The following EIF4G2 variants were observed in gnomAD, a reference collection of about 807,000 sequenced individuals.
The protein encoded by EIF4G2 is DAP-5.
In EIF4G2, 8 loss-of-function variants were observed where a neutral mutation model predicts 117.7. The ratio of observed to expected loss-of-function variants is 0.07; its 90% CI spans 0.04 to 0.12. The LOEUF is 0.12. Ranked by LOEUF, EIF4G2 falls within the 10% of genes least tolerant of loss-of-function variation. The pLI is 1.00. For missense variants in EIF4G2, 812 were observed against 1,086.2 expected, an observed-to-expected ratio of 0.75 and a Z score of 3.55; for synonymous variants, 413 against 367.8, an observed-to-expected ratio of 1.12 and a Z score of -1.41.
chr11:10,804,708 A>G, intron 5 of EIF4G2: 2 of 603,764 alleles, frequency 3.3e-6, no homozygotes, highest in Non-Finnish European at 5.7e-6. Context: ...CTCTTCAACC[A>G]TACCATGAAC....
rs773350828 is a variant in EIF4G2, at chr11:10,805,954, G to A, written c.201C>T (p.Ser67=). The A allele has an allele frequency of 1.6e-5, 26 of 1,613,898 alleles. No homozygotes were observed. The highest frequency in any genetic ancestry group is 2.1e-5 in the Non-Finnish European group (25 of 1,179,982). ...CATCATGTCGTTCTTTTTCGTTTGC[G>A]GAGTTGTTTGCTGCGGAGTTGTCAT... Residue 67 remains serine (S), a synonymous_variant, in exon 4 of 22, where the codon TCC becomes TCT. Transcript: ENST00000339995.
At chr11:10,798,806 A>G in intron 21 of EIF4G2, 186 bp downstream of exon 21, 2 of 699,280 alleles carry the variant, frequency 2.9e-6, no homozygotes, top group Non-Finnish European at 4.6e-6. Context: ...ATACACCACT[A>G]GAATTGATTC....
At chr11:10,804,648 G>A (rs185046810) in intron 5 of EIF4G2, 7 of 613,746 alleles carry the variant, frequency 1.1e-5, no homozygotes, top group South Asian at 5.2e-5. Context: ...ACCTAAATAC[G>A]GTGTTTTCCA....
At position 10,802,338 on chromosome 11, in the gene EIF4G2, C is replaced by T. The variant is rs745678635; in HGVS notation, c.1094G>A (p.Arg365Lys). 6.2e-7 allele frequency: 1 copy of T among 1,613,956 alleles called. No homozygotes were observed. Among genetic ancestry groups the T allele is most frequent in the South Asian group, 1.1e-5 (1 of 91,034 alleles). The change falls in exon 12 of 22, where the codon AGG becomes AAG. Residue 365 changes from arginine to lysine, a missense_variant. Arg to Lys is a conservative substitution (Grantham distance 26). Around this residue, in one of 4 missense-constraint regions of EIF4G2, gnomAD observed 571 missense variants for 642.3 expected, o/e 0.89. Coordinates refer to ENST00000339995, the MANE Select transcript of EIF4G2 (RefSeq NM_001418.4). The stretch of plus-strand genomic sequence containing the variant: ...ATCAGCAAGTCCTCCAAGTGGGTCC[C>T]TATCCATTTTCATCCTGGGTGGCAT...
rs1182696410 is a variant in EIF4G2, at chr11:10,803,310, T to C, written c.814-16A>G. On this transcript the variant is annotated splice_polypyrimidine_tract_variant and intron_variant, in intron 9 of 21. Coordinates refer to ENST00000339995, the MANE Select transcript of EIF4G2 (RefSeq NM_001418.4). The surrounding 1 kb of genome is among the most constrained non-coding windows in gnomAD (Gnocchi z 4.0). ...CCATTAAGGACTGATAAGAGAAGAA[T>C]ACATTCATTGGAAGAGCTAAAGCAA... 1.9e-6 allele frequency: 3 copies of C among 1,610,538 alleles called. No homozygotes were observed. The highest frequency in any genetic ancestry group is 2.5e-6 in the Non-Finnish European group (3 of 1,178,542).
rs1383046537 is a variant in EIF4G2 at position 10,808,728 on chromosome 11, C to T, written c.-110G>A. The T allele has an allele frequency of 1.2e-5, 2 of 166,018 alleles. No homozygotes were observed. The highest frequency in any genetic ancestry group is 2.7e-5 in the Non-Finnish European group (2 of 75,396). 10.3% of individuals were successfully genotyped at this position (166,018 alleles called of 1,614,324 possible). On this transcript the variant is annotated 5_prime_UTR_variant, in exon 1 of 22. Transcript: ENST00000339995. ...ACCTTCACCGAGAACTCAGCAGCTG[C>T]CACCGCAGCTGCCTCCTCAGGATCC...
chr11:10,802,895 G>GA (rs1847468687), intron 11 of EIF4G2, 135 bp downstream of exon 11: 1 of 712,562 alleles, frequency 1.4e-6, no homozygotes, highest in Non-Finnish European at 2.2e-6. Flanking sequence ...AGTGGAAGAC[G>GA]AGACACTAAA....
At chr11:10,806,118 A>G (rs1847562471) in intron 3 of EIF4G2, 71 bp from the exon 4 acceptor site, 2 of 1,597,400 alleles carry the variant, frequency 1.3e-6, no homozygotes, top group Non-Finnish European at 1.7e-6. Flanking sequence ...ATTCTCTTAC[A>G]TAGAAAAAAG....
chr11:10,799,597 G>A lies in EIF4G2; in HGVS notation c.2279C>T (p.Pro760Leu), dbSNP rs748439202. 1 of 1,614,064 alleles carries A rather than the reference G, an allele frequency of 6.2e-7. No homozygotes were observed. The highest frequency in any genetic ancestry group is 1.1e-5 in the South Asian group (1 of 91,076). ...AAATCCTTTATCTACATGAAGTTTG[G>A]GAGAGATGTTATCTTTAATCCATTT... The change falls in exon 19 of 22, where the codon CCC becomes CTC. Residue 760 changes from proline to leucine, a missense_variant. This residue lies in a region of EIF4G2 where 571 missense variants were observed against 642.3 expected (regional missense o/e 0.89). Transcript: ENST00000339995.
In EIF4G2 at chr11:10,800,562, A is replaced by C. The variant is rs1203290494; in HGVS notation, c.1730T>G (p.Phe577Cys). ...TACTTTGCTTAACATCTCAGGAAGA[A>C]AGTGTTTAGGAGCCCTCATTTCTCT... The change falls in exon 17 of 22, where the codon TTT becomes TGT. Residue 577 changes from phenylalanine to cysteine, a missense_variant. Coordinates refer to ENST00000339995, the MANE Select transcript of EIF4G2 (RefSeq NM_001418.4). 1 of 1,614,036 alleles carries C rather than the reference A, an allele frequency of 6.2e-7. No homozygotes were observed. The highest frequency in any genetic ancestry group is 1.3e-5 in the African/African-American group (1 of 74,922).
intron 1 of EIF4G2, chr11:10,808,139 C>A (rs1293213031): frequency 2.8e-6 from 3 of 1,060,648 alleles, no homozygotes; most frequent in Non-Finnish European, 3.5e-6. Context: ...AAGCGGGCCC[C>A]CTCCTGCACC....
At position 10,804,946 on chromosome 11, in the gene EIF4G2, C is replaced by T; in HGVS notation, c.318G>A (p.Glu106=). The change falls in exon 5 of 22, where the codon GAG becomes GAA. Residue 106 remains glutamate, a synonymous_variant. Coordinates refer to ENST00000339995, the MANE Select transcript of EIF4G2 (RefSeq NM_001418.4). ...TGACCCCTTTAAGGATGAGTTTAGA[C>T]TCTACACCCACATTGAGGAGCTCAA... 1 of 1,614,082 alleles carries T rather than the reference C, an allele frequency of 6.2e-7. No individual in the cohort carries two copies. Among genetic ancestry groups the T allele is most frequent in the Non-Finnish European group, 8.5e-7 (1 of 1,179,992 alleles).
At chr11:10,807,454 G>GT in intron 1 of EIF4G2, 73 bp from the exon 2 acceptor site, 1 of 1,441,142 alleles carries the variant, frequency 6.9e-7, no homozygotes, top group Non-Finnish European at 9.1e-7. Context: ...CAATTACAAC[G>GT]TATTTCAGAT....
chr11:10,807,565 G>T, intron 1 of EIF4G2, 184 bp from the exon 2 acceptor site: 1 of 1,258,908 alleles, frequency 7.9e-7, no homozygotes, highest in Non-Finnish European at 1.0e-6. Flanking sequence ...ATTCCCCGGT[G>T]TTCAAGGATG....
At chr11:10,808,240 C>A in intron 1 of EIF4G2, 2 of 1,149,584 alleles carry the variant, frequency 1.7e-6, no homozygotes, top group South Asian at 1.6e-5. Flanking sequence ...TCCTCCCCGA[C>A]GAAGGGCAGC....
At chr11:10,801,637 T>C (rs200053038) in intron 14 of EIF4G2, 24 bp downstream of exon 14, 2 of 1,594,580 alleles carry the variant, frequency 1.3e-6, no homozygotes, top group Non-Finnish European at 1.7e-6. Flanking sequence ...AACTATGGTA[T>C]ATAAGTAACA....
Position 10,804,137 on chromosome 11 carries a change from C to T in EIF4G2, c.550G>A (p.Val184Ile), listed in dbSNP as rs777630657. 1.9e-6 allele frequency: 3 copies of T among 1,614,018 alleles called. No homozygotes were observed. The highest frequency in any genetic ancestry group is 2.7e-5 in the African/African-American group (2 of 74,928). The change falls in exon 7 of 22, where the codon GTC (valine) becomes ATC (isoleucine). Residue 184 changes from valine (V) to isoleucine (I), a missense_variant and splice_region_variant. Coordinates refer to ENST00000339995, the MANE Select transcript of EIF4G2 (RefSeq NM_001418.4). ...ACTTATTATCAGCTATAAGTCTTACCATCAACATTTCTAGTTCGGTTTTCA... is the reference window on the plus strand; with the variant it reads ...ACTTATTATCAGCTATAAGTCTTACTATCAACATTTCTAGTTCGGTTTTCA...
chr11:10,802,378 G>A lies in EIF4G2; in HGVS notation c.1054C>T (p.Leu352=), dbSNP rs1329765066. 1 of 1,613,858 alleles carries A rather than the reference G, an allele frequency of 6.2e-7. No homozygotes were observed. Among genetic ancestry groups the A allele is most frequent in the African/African-American group, 1.3e-5 (1 of 74,996 alleles). ...CTGGGTGGCATGAACGGTCCCTCCA[G>A]AAAGAAGTCACTTCTCATCCCTTGA... Residue 352 remains leucine (L), a synonymous_variant, in exon 12 of 22, where the codon CTG becomes TTG. Transcript: ENST00000339995.
At chr11:10,806,368 G>T in intron 3 of EIF4G2, 2 of 367,510 alleles carry the variant, frequency 5.4e-6, no homozygotes, top group Non-Finnish European at 5.0e-6. Flanking sequence ...TAAGAGATGG[G>T]GTCTTGCTGT....
Sources: gnomAD v4.1 joint callset for allele counts on GRCh38, gnomAD v4.1.1 for gene constraint, gnomAD v4.1.1 regional missense constraint, Gnocchi (gnomAD v3.1) non-coding constraint, MANE v1.5 for transcripts, NCBI Gene and HGNC (gene_info 2026-07-23, HGNC 2026-07-21) for gene names.